Variants in ABL1 observed in about 807,000 individuals in gnomAD.
The protein encoded by ABL1 is ABL proto-oncogene 1, non-receptor tyrosine kinase, also known as tyrosine-protein kinase ABL1.
In ABL1, 11 loss-of-function variants were observed where a neutral mutation model predicts 94.7. That is an observed-to-expected ratio of 0.12 (90% CI 0.07 to 0.19). The LOEUF (loss-of-function observed/expected upper bound fraction) is 0.19. ABL1 is among the 10% of genes least tolerant of loss of function. The probability of loss-of-function intolerance (pLI) is 1.00; values close to 1 mark genes in which losing one functional copy is unlikely to be tolerated. For missense variants in ABL1, 1,082 were observed against 1,489.4 expected (o/e 0.73, Z 4.50); for synonymous variants, 656 against 622.4 (o/e 1.05, Z -0.80).
exon 1 of ABL1, chr9:130,714,140 A>G: frequency 4.1e-6 from 2 of 489,778 alleles, no homozygotes; most frequent in East Asian, 3.4e-5. Context: ...GCAAGTGTCA[A>G]CCTAAAAAAA....
At chr9:130,752,108 C>A (rs11244120) in intron 1 of ABL1, among the ~76,000 whole-genome samples, 47,520 of 151,980 alleles carry the variant, frequency 0.31, 10,582 homozygotes, top group African/African-American at 0.61. Flanking sequence ...GAATGTGCAC[C>A]AGAACATTTT....
intron 7 of ABL1, among the ~76,000 whole-genome samples, chr9:130,875,600 G>T (rs962088160): frequency 6.6e-6 from 1 of 152,064 alleles, no homozygotes; most frequent in Non-Finnish European, 1.5e-5. Flanking sequence ...AGTTTCGTAC[G>T]TTCTGGGTTT....
chr9:130,762,877 C>T (rs1832133673), intron 1 of ABL1, among the ~76,000 whole-genome samples: 1 of 149,532 alleles, frequency 6.7e-6, no homozygotes, highest in African/African-American at 2.5e-5. Flanking sequence ...CGCCACTGCA[C>T]TCCAGCCTGG....
At chr9:130,791,781 C>T (rs1348139194) in intron 1 of ABL1, among the ~76,000 whole-genome samples, 1 of 152,158 alleles carries the variant, frequency 6.6e-6, no homozygotes, top group Non-Finnish European at 1.5e-5. Context: ...GGCTTTCAGA[C>T]TCGGACTGAG....
chr9:130,735,291 A>G (rs917723665), intron 1 of ABL1, among the ~76,000 whole-genome samples: 19 of 152,328 alleles, frequency 1.2e-4, no homozygotes, highest in South Asian at 4.1e-4. Flanking sequence ...CAGCCTCCCA[A>G]AGTGCTGGGA....
chr9:130,803,241 T>C (rs1830080318), intron 1 of ABL1, among the ~76,000 whole-genome samples: 1 of 152,146 alleles, frequency 6.6e-6, no homozygotes, highest in South Asian at 2.1e-4. Flanking sequence ...GGTTTTGCCA[T>C]GTTGGCCAGG....
chr9:130,716,072 CTTTTTTTTTTTTTTT>C (rs71389339), intron 1 of ABL1, among the ~76,000 whole-genome samples: 5 of 91,182 alleles, frequency 5.5e-5, no homozygotes, highest in East Asian at 2.8e-4. Flanking sequence ...GAAAAATGTC[CTTTTTTTTTTTTTTT>C]TTTTTTTTTT....
intron 1 of ABL1, among the ~76,000 whole-genome samples, chr9:130,808,693 T>TG (rs1414080479): frequency 6.6e-6 from 1 of 152,196 alleles, no homozygotes; most frequent in African/African-American, 2.4e-5. Flanking sequence ...TGTTTAGTCT[T>TG]GTAGCTCTAA....
intron 1 of ABL1, among the ~76,000 whole-genome samples, chr9:130,737,794 C>T (rs1359718903): frequency 6.6e-6 from 1 of 151,306 alleles, no homozygotes. Context: ...GCCCCCTTTG[C>T]CTGTGTGTTA....
chr9:130,783,329 T>C (rs1167760881), intron 1 of ABL1, among the ~76,000 whole-genome samples: 2 of 152,190 alleles, frequency 1.3e-5, no homozygotes, highest in African/African-American at 4.8e-5. Context: ...GAGGCTGTGA[T>C]TGTTTACTCT....
chr9:130,762,144 C>CAA (rs35046698), intron 1 of ABL1, among the ~76,000 whole-genome samples: 3,665 of 132,328 alleles, frequency 0.028, 141 homozygotes, highest in African/African-American at 0.071. Context: ...ACTCCCAGCT[C>CAA]AAAAAAAAAA....
chr9:130,741,716 G>T (rs7025200), intron 1 of ABL1, among the ~76,000 whole-genome samples: 3,568 of 152,240 alleles, frequency 0.023, 53 homozygotes, highest in African/African-American at 0.035. Flanking sequence ...AACAGTTACC[G>T]CACTGGTATA....
intron 1 of ABL1, among the ~76,000 whole-genome samples, chr9:130,789,346 T>G (rs1172802723): frequency 6.6e-6 from 1 of 152,218 alleles, no homozygotes; most frequent in Non-Finnish European, 1.5e-5. Context: ...CACATGGGTG[T>G]AGAAACTGGT....
chr9:130,785,021 T>C (rs373257989), intron 1 of ABL1, among the ~76,000 whole-genome samples: 5 of 152,354 alleles, frequency 3.3e-5, no homozygotes, highest in East Asian at 1.9e-4. Context: ...TCTCCCCACC[T>C]GTGCTAGTTA....
chr9:130,878,594 G>T (rs373814954), intron 8 of ABL1, 27 bp downstream of exon 8: 2 of 1,609,722 alleles, frequency 1.2e-6, no homozygotes, highest in East Asian at 4.5e-5. Context: ...CTGTTCTCAC[G>T]AGTATATGTG....
intron 1 of ABL1, among the ~76,000 whole-genome samples, chr9:130,768,353 G>A (rs2791745): frequency 0.045 from 6,818 of 152,280 alleles, 177 homozygotes; most frequent in Middle Eastern, 0.078. Flanking sequence ...AACTCAGAGC[G>A]TATGGAAGAC....
rs181749757 is a variant in ABL1 at position 130,872,589 on chromosome 9, T to C, written c.908-271T>C. Among the ~76,000 whole-genome samples the C allele has an allele frequency of 4.6e-5, 7 of 152,150 alleles. No homozygotes were observed. The highest frequency in any genetic ancestry group is 2.6e-4 in the Admixed American group (4 of 15,272). The stretch of plus-strand genomic sequence containing the variant: ...GGTAAACTGACGGTGGTGAAGGTCA[T>C]TTGAGGTGGGGCCAGGTCTGCGTCT... On this transcript the variant is annotated intron_variant, in intron 5 of 10. Coordinates refer to ENST00000318560, the MANE Select transcript of ABL1 (RefSeq NM_005157.6). The surrounding 1 kb of genome is among the most constrained non-coding windows in gnomAD (Gnocchi z 5.0).
chr9:130,842,797 T>C (rs1396966349), intron 1 of ABL1, among the ~76,000 whole-genome samples: 1 of 152,208 alleles, frequency 6.6e-6, no homozygotes, highest in Non-Finnish European at 1.5e-5. Context: ...TTGTGGGTAT[T>C]AGCAGGCTGA....
chr9:130,721,781 A>C (rs1318588074), intron 1 of ABL1, among the ~76,000 whole-genome samples: 1 of 148,622 alleles, frequency 6.7e-6, no homozygotes, highest in Non-Finnish European at 1.5e-5. Context: ...CAATTATTGG[A>C]TCCTATAGGC....
Sources: gnomAD v4.1 joint callset for allele counts (sites outside exome capture counted in the v4.1 genomes callset) on GRCh38, gnomAD v4.1.1 for gene constraint, Gnocchi (gnomAD v3.1) non-coding constraint, MANE v1.5 for transcripts, NCBI Gene and HGNC (gene_info 2026-07-23, HGNC 2026-07-21) for gene names.